The following PRMT8 variants were observed in gnomAD, a reference collection of about 807,000 sequenced individuals.
PRMT8 encodes protein arginine methyltransferase 8.
In PRMT8, 7 loss-of-function variants were observed where a neutral mutation model predicts 47.1. The observed-to-expected ratio is 0.15, with a 90% CI of 0.08 to 0.28. The LOEUF is 0.28. Among genes scored for constraint, PRMT8 ranks in the 10% least tolerant of loss-of-function variants. The pLI is 1.00. For missense variants in PRMT8, 237 were observed against 505.4 expected (o/e 0.47, Z 5.09); for synonymous variants, 188 against 186.5 (o/e 1.01, Z -0.07).
intron 1 of PRMT8, among the ~76,000 whole-genome samples, chr12:3,437,896 C>T (rs141094377): frequency 2.6e-5 from 4 of 152,192 alleles, no homozygotes; most frequent in African/African-American, 9.6e-5. Context: ...TGACACACGG[C>T]GAGGGCCCAG....
intron 4 of PRMT8, among the ~76,000 whole-genome samples, chr12:3,563,502 C>T (rs1220745225): frequency 6.6e-6 from 1 of 152,060 alleles, no homozygotes. Flanking sequence ...TCCCACCATT[C>T]ATGGAGGGTA....
At chr12:3,495,888 G>A (rs372209285) in intron 1 of PRMT8, among the ~76,000 whole-genome samples, 3 of 152,034 alleles carry the variant, frequency 2.0e-5, no homozygotes, top group African/African-American at 7.3e-5. Context: ...GGGAATCAAG[G>A]TGCTGAAGCC....
intron 1 of PRMT8, among the ~76,000 whole-genome samples, chr12:3,389,320 A>G (rs1314844162): frequency 6.6e-6 from 1 of 152,156 alleles, no homozygotes; most frequent in Non-Finnish European, 1.5e-5. Context: ...TGGGGCTGGA[A>G]CGACAGATTC....
In PRMT8 at chr12:3,480,655, C is replaced by CA. The variant is rs781768016; in HGVS notation, c.49-59951_49-59950insA. 3.2e-3 allele frequency among the ~76,000 whole-genome samples: 486 copies of CA among 151,884 alleles called. 6 individuals are homozygous for CA. Among genetic ancestry groups the CA allele is most frequent in the Admixed American group, 0.011 (168 of 15,264 alleles). ...TGACTTTAGTTCAGTGCTTCCTCCC[C>CA]CCACCGCTTTCTTATAGCTTCATGC... On this transcript the variant is annotated intron_variant, in intron 1 of 9. Coordinates refer to the PRMT8 transcript ENST00000452611.
intron 1 of PRMT8, among the ~76,000 whole-genome samples, chr12:3,465,680 C>T (rs1344983616): frequency 2.6e-5 from 4 of 152,074 alleles, no homozygotes; most frequent in African/African-American, 7.2e-5. Context: ...TGTAAACAGA[C>T]GCTGAAATTT....
Position 3,409,235 on chromosome 12 carries a change from G to C in PRMT8, c.48+27793G>C, listed in dbSNP as rs1365935706. 6.6e-6 allele frequency among the ~76,000 whole-genome samples: 1 copy of C among 152,126 alleles called. No homozygotes were observed. The highest frequency in any genetic ancestry group is 1.9e-4 in the East Asian group (1 of 5,170). The stretch of plus-strand genomic sequence containing the variant: ...CAGGCCCTGCTGGATTTTTAACTAT[G>C]ACCCTGACTCTGGGGTGCAGGGCAC... On this transcript the variant is annotated intron_variant, in intron 1 of 9. Coordinates refer to the PRMT8 transcript ENST00000452611. The surrounding 1 kb of genome is among the most constrained non-coding windows in gnomAD (Gnocchi z 4.4).
At chr12:3,537,956 G>C (rs1362294052) in intron 1 of PRMT8, among the ~76,000 whole-genome samples, 1 of 152,098 alleles carries the variant, frequency 6.6e-6, no homozygotes, top group Non-Finnish European at 1.5e-5. Context: ...AGAAGTCACT[G>C]CTTCCCTGGT....
At chr12:3,545,084 A>C (rs900086896) in intron 2 of PRMT8, among the ~76,000 whole-genome samples, 1 of 152,246 alleles carries the variant, frequency 6.6e-6, no homozygotes, top group Non-Finnish European at 1.5e-5. Flanking sequence ...AAGAGCCAGA[A>C]CTAGCATTTT....
In PRMT8 at chr12:3,479,853, ATT is replaced by A. The variant is rs34560629; in HGVS notation, c.49-60743_49-60742del. On this transcript the variant is annotated intron_variant, in intron 1 of 9. Coordinates refer to the PRMT8 transcript ENST00000452611. ...TGTTAGTGTCAGTTTCTACTCTCAG[ATT>A]TTTTTTTTTCATGCATCAGGCACTA... Among the ~76,000 whole-genome samples, 410 of 151,110 alleles carry A rather than the reference ATT, an allele frequency of 2.7e-3. 1 individual carries two copies. The highest frequency in any genetic ancestry group is 4.3e-3 in the Non-Finnish European group (289 of 67,704).
intron 1 of PRMT8, among the ~76,000 whole-genome samples, chr12:3,399,949 A>G (rs1864300586): frequency 6.6e-6 from 1 of 152,254 alleles, no homozygotes; most frequent in African/African-American, 2.4e-5. Flanking sequence ...TAACAGTGTT[A>G]TGACAACTGT....
intron 1 of PRMT8, among the ~76,000 whole-genome samples, chr12:3,404,661 A>G (rs1864354805): frequency 6.6e-6 from 1 of 152,166 alleles, no homozygotes; most frequent in Non-Finnish European, 1.5e-5. Flanking sequence ...AATTAGTTCA[A>G]TTGTTAATTA....
intron 1 of PRMT8, among the ~76,000 whole-genome samples, chr12:3,485,371 A>G (rs1865313487): frequency 6.6e-6 from 1 of 152,212 alleles, no homozygotes; most frequent in Non-Finnish European, 1.5e-5. Context: ...TTAGATTTGC[A>G]CCTTCTGATT....
At chr12:3,553,602 G>A in intron 3 of PRMT8, 49 bp from the exon 4 acceptor site, 1 of 1,466,984 alleles carries the variant, frequency 6.8e-7, no homozygotes, top group Non-Finnish European at 9.6e-7. Context: ...TGTGGGTCTT[G>A]CTGTGATTTT....
intron 1 of PRMT8, among the ~76,000 whole-genome samples, chr12:3,428,114 G>A (rs1398307896): frequency 1.3e-5 from 2 of 152,136 alleles, no homozygotes; most frequent in Non-Finnish European, 2.9e-5. Flanking sequence ...CTATCATCCT[G>A]TCCTGAAGGG....
intron 1 of PRMT8, among the ~76,000 whole-genome samples, chr12:3,439,723 G>A (rs1864779058): frequency 6.6e-6 from 1 of 152,126 alleles, no homozygotes; most frequent in Non-Finnish European, 1.5e-5. Flanking sequence ...AACAAAGGTG[G>A]GGGTGTCTCT....
intron 1 of PRMT8, among the ~76,000 whole-genome samples, chr12:3,464,601 A>T (rs982308667): frequency 1.3e-5 from 2 of 152,148 alleles, no homozygotes; most frequent in East Asian, 3.9e-4. Flanking sequence ...GATGGGGTTA[A>T]CAAAAATAAA....
chr12:3,562,412 C>T (rs1866653184), intron 4 of PRMT8, among the ~76,000 whole-genome samples: 1 of 151,784 alleles, frequency 6.6e-6, no homozygotes, highest in Non-Finnish European at 1.5e-5. Context: ...GCACAGACAA[C>T]ATCTTTGCTC....
intron 1 of PRMT8, among the ~76,000 whole-genome samples, chr12:3,439,209 T>C (rs1864773837): frequency 6.6e-6 from 1 of 152,250 alleles, no homozygotes; most frequent in Non-Finnish European, 1.5e-5. Flanking sequence ...GTTCTATATT[T>C]TATCTCAACT....
At chr12:3,524,278 G>C (rs1315935833) in intron 1 of PRMT8, among the ~76,000 whole-genome samples, 1 of 152,062 alleles carries the variant, frequency 6.6e-6, no homozygotes, top group Non-Finnish European at 1.5e-5. Context: ...AGAGTAAAAA[G>C]AAAAAGAAGA....
Sources: allele counts gnomAD v4.1 joint callset (sites outside exome capture counted in the v4.1 genomes callset), GRCh38; gene constraint gnomAD v4.1.1; non-coding constraint Gnocchi (gnomAD v3.1); transcripts MANE v1.5; gene names NCBI Gene and HGNC (gene_info 2026-07-23, HGNC 2026-07-21).